The following PSD3 variants were observed in gnomAD, a reference collection of about 807,000 sequenced individuals.
PSD3 encodes the protein pleckstrin and Sec7 domain containing 3.
Under a neutral mutation model 105.5 loss-of-function variants are expected in PSD3, and 49 were observed. The ratio of observed to expected loss-of-function variants is 0.46; its 90% CI spans 0.37 to 0.59. The LOEUF (loss-of-function observed/expected upper bound fraction) is 0.59. PSD3 is among the 20% of genes least tolerant of loss of function. The probability of loss-of-function intolerance (pLI) is 0.00; values close to 1 mark genes in which losing one functional copy is unlikely to be tolerated. For synonymous variants in PSD3, 557 were observed against 457.8 expected (o/e 1.22, Z -2.77); for missense variants, 1,561 against 1,263.8 (o/e 1.24, Z -3.57).
chr8:18,702,834 G>A (rs1008855262), intron 9 of PSD3, among the ~76,000 whole-genome samples: 4 of 151,920 alleles, frequency 2.6e-5, no homozygotes, highest in South Asian at 2.1e-4. Context: ...GGATGGTCTC[G>A]ATCTCCTGAC....
chr8:18,925,635 A>G (rs946007474), intron 2 of PSD3, among the ~76,000 whole-genome samples: 2 of 152,288 alleles, frequency 1.3e-5, no homozygotes, highest in East Asian at 3.9e-4. Context: ...CATAGACAAC[A>G]TGATGAAAAT....
chr8:18,547,375 A>T (rs1032012770), intron 15 of PSD3, among the ~76,000 whole-genome samples: 2 of 152,200 alleles, frequency 1.3e-5, no homozygotes, highest in Non-Finnish European at 2.9e-5. Flanking sequence ...CGGCTGTGGT[A>T]TACTCTTGTA....
intron 2 of PSD3, among the ~76,000 whole-genome samples, chr8:18,904,822 A>G (rs1267214161): frequency 1.3e-5 from 2 of 152,192 alleles, no homozygotes; most frequent in Admixed American, 1.3e-4. Context: ...GTAAATTAAC[A>G]TAAGACTGTT....
intron 2 of PSD3, among the ~76,000 whole-genome samples, chr8:18,935,142 T>C (rs779684413): frequency 6.6e-5 from 10 of 152,330 alleles, no homozygotes; most frequent in African/African-American, 1.4e-4. Context: ...GTAAGTAATC[T>C]AGTAGGTTAA....
intron 4 of PSD3, chr8:18,849,331 C>G (rs1021277528): frequency 6.6e-6 from 1 of 152,170 alleles, no homozygotes; most frequent in East Asian, 1.9e-4. Flanking sequence ...CTTCTTGGTG[C>G]CTGTCTAACC....
chr8:18,551,172 C>G (rs1800747790), intron 15 of PSD3, among the ~76,000 whole-genome samples: 1 of 152,046 alleles, frequency 6.6e-6, no homozygotes, highest in African/African-American at 2.4e-5. Context: ...AGATAATGGC[C>G]CCTACTATGA....
chr8:18,866,665 G>C (rs1291498554), intron 4 of PSD3, among the ~76,000 whole-genome samples: 1 of 151,980 alleles, frequency 6.6e-6, no homozygotes. Context: ...AGCCAATCCT[G>C]AATTTGCTCA....
intron 10 of PSD3, among the ~76,000 whole-genome samples, chr8:18,653,778 A>G (rs569504039): frequency 1.3e-5 from 2 of 152,214 alleles, no homozygotes; most frequent in African/African-American, 2.4e-5. Flanking sequence ...AAAAAAAAAA[A>G]CCTAGATTTA....
At chr8:18,911,539 G>A (rs188574218) in intron 2 of PSD3, among the ~76,000 whole-genome samples, 4 of 152,184 alleles carry the variant, frequency 2.6e-5, no homozygotes, top group Admixed American at 1.3e-4. Context: ...TGGGGGTGAG[G>A]GGAGAAACTG....
At chr8:18,611,948 T>G (rs1805298481) in intron 11 of PSD3, among the ~76,000 whole-genome samples, 2 of 152,246 alleles carry the variant, frequency 1.3e-5, no homozygotes, top group Non-Finnish European at 2.9e-5. Context: ...CATTACAGAT[T>G]AATTTCCCTC....
chr8:19,075,200 G>A lies in PSD3; in HGVS notation c.324+9006C>T, dbSNP rs181296931. Among the ~76,000 whole-genome samples, 216 of 152,184 alleles carry A rather than the reference G, an allele frequency of 1.4e-3. 7 individuals carry two copies. In the East Asian group the frequency reaches 0.03, roughly 21 times the overall value. On this transcript the variant is annotated intron_variant, in intron 1 of 1. Coordinates refer to the PSD3 transcript ENST00000521475. ...GGACTTCAAGTGATCCGCCCACCTCGGCCTCCCAAAGTGCTGGGATTACAA... is the reference window on the plus strand; with the variant it reads ...GGACTTCAAGTGATCCGCCCACCTCAGCCTCCCAAAGTGCTGGGATTACAA...
In PSD3 at chr8:18,600,418, T is replaced by G. The variant is rs1281450682; in HGVS notation, c.2427A>C (p.Arg809=). Residue 809 remains arginine, a synonymous_variant, in exon 12 of 16, where the codon CGA becomes CGC. Transcript: ENST00000327040. Reference sequence around the variant, plus strand: ...GTACAGCATAAAAGGTTTTCCATCCTCGTTTTCCTCTTGGAGCTAGAAAGG... The same window carrying G: ...GTACAGCATAAAAGGTTTTCCATCCGCGTTTTCCTCTTGGAGCTAGAAAGG... The part of the protein sequence containing the change: ...MDGKKTPRGK[R]GWKTFYAVLK... 5.0e-6 allele frequency: 8 copies of G among 1,604,444 alleles called. No individual in the cohort carries two copies. The highest frequency in any genetic ancestry group is 1.1e-5 in the South Asian group (1 of 88,052).
At chr8:18,836,270 A>C (rs186009063) in intron 4 of PSD3, among the ~76,000 whole-genome samples, 14 of 152,360 alleles carry the variant, frequency 9.2e-5, no homozygotes, top group Admixed American at 5.9e-4. Flanking sequence ...ATTATTAAAA[A>C]GCAAACATGC....
At position 19,044,959 on chromosome 8, in the gene PSD3, T is replaced by C. The variant is rs563735147; in HGVS notation, c.324+39247A>G. 1.1e-3 allele frequency among the ~76,000 whole-genome samples: 164 copies of C among 152,252 alleles called. 1 individual carries two copies. Among genetic ancestry groups the C allele is most frequent in the African/African-American group, 3.9e-3 (160 of 41,536 alleles). On this transcript the variant is annotated intron_variant, in intron 1 of 1. Transcript: ENST00000521475. ...CAGCACTTTGGGAGGCCAAGGTGGA[T>C]GGATCACCTGAGGTCAGGAGTTCAA... is the stretch of plus-strand genomic sequence containing the variant.
At chr8:19,058,782 C>T (rs1039557748) in intron 1 of PSD3, among the ~76,000 whole-genome samples, 3 of 152,030 alleles carry the variant, frequency 2.0e-5, no homozygotes, top group African/African-American at 7.3e-5. Flanking sequence ...TCATCAGTAC[C>T]GAGGCCTGTA....
At chr8:18,589,365 T>A (rs1803431464) in intron 12 of PSD3, among the ~76,000 whole-genome samples, 2 of 152,150 alleles carry the variant, frequency 1.3e-5, no homozygotes, top group African/African-American at 2.4e-5. Flanking sequence ...ATGCGGCAAA[T>A]CATTTACTTT....
At chr8:18,797,572 T>A (rs756399835) in intron 8 of PSD3, among the ~76,000 whole-genome samples, 2 of 152,182 alleles carry the variant, frequency 1.3e-5, no homozygotes, top group Non-Finnish European at 2.9e-5. Flanking sequence ...TCAAGCATGC[T>A]GAGATATCTA....
chr8:18,937,625 T>C (rs1016615372), intron 1 of PSD3, among the ~76,000 whole-genome samples: 1 of 152,198 alleles, frequency 6.6e-6, no homozygotes, highest in Admixed American at 6.5e-5. Context: ...TTAATGTTCA[T>C]AACGCGTCAA....
intron 2 of PSD3, among the ~76,000 whole-genome samples, chr8:18,920,545 A>G (rs928315111): frequency 1.3e-5 from 2 of 152,216 alleles, no homozygotes; most frequent in South Asian, 4.1e-4. Context: ...CAAACAAAAC[A>G]AAGTATAATC....
Sources: gnomAD v4.1 joint callset for allele counts (sites outside exome capture counted in the v4.1 genomes callset) on GRCh38, gnomAD v4.1.1 for gene constraint, MANE v1.5 for transcripts, NCBI Gene and HGNC (gene_info 2026-07-23, HGNC 2026-07-21) for gene names.